VLDLR: variants seen among roughly 807,000 people sequenced by gnomAD.
VLDLR encodes the protein very low density lipoprotein receptor, also known as very low-density lipoprotein receptor.
A neutral mutation model predicts 112.7 loss-of-function variants in VLDLR; 81 were observed. The ratio of observed to expected loss-of-function variants is 0.72; its 90% CI spans 0.60 to 0.86. The LOEUF is 0.86. Ranked by LOEUF, VLDLR falls within the 40% of genes least tolerant of loss-of-function variation. The probability of loss-of-function intolerance (pLI) is 0.00; values close to 1 mark genes in which losing one functional copy is unlikely to be tolerated. For synonymous variants in VLDLR, 436 were observed against 384.8 expected (o/e 1.13, Z -1.56); for missense variants, 1,237 against 1,099.4 (o/e 1.13, Z -1.77).
Position 2,646,530 on chromosome 9 carries a change from A to AGCT in VLDLR, c.1681_1682insGCT (p.Ile561delinsSerLeu). The AGCT allele has an allele frequency of 6.2e-7, 1 of 1,614,158 alleles. No homozygotes were observed. Among genetic ancestry groups the AGCT allele is most frequent in the Non-Finnish European group, 8.5e-7 (1 of 1,180,006 alleles). On this transcript the variant is annotated protein_altering_variant, in exon 11 of 19. Transcript: ENST00000382100. ...CTCTGACTTGCGAGAGCCTGCCTCCATAGCTGTGGACCCACTGTCTGGGTT... is the reference window on the plus strand; with the variant it reads ...CTCTGACTTGCGAGAGCCTGCCTCCAGCTTAGCTGTGGACCCACTGTCTGGGTT...
intron 3 of VLDLR, 74 bp downstream of exon 3, chr9:2,640,055 C>G: frequency 1.9e-6 from 3 of 1,611,782 alleles, no homozygotes; most frequent in African/African-American, 1.3e-5. Flanking sequence ...ATTGCTTAAT[C>G]TCCTACTTGG....
intron 1 of VLDLR, among the ~76,000 whole-genome samples, chr9:2,628,183 G>C (rs988469403): frequency 6.6e-6 from 1 of 152,184 alleles, no homozygotes. Context: ...GGGGATCTCT[G>C]TGTCTAAAGG....
intron 7 of VLDLR, among the ~76,000 whole-genome samples, chr9:2,644,316 G>A (rs550501829): frequency 2.7e-4 from 36 of 135,686 alleles, no homozygotes; most frequent in East Asian, 1.4e-3. Flanking sequence ...CCACCACCAC[G>A]CCCGGCTAAT....
Position 2,655,972 on chromosome 9 carries a change from G to A in VLDLR, c.*2104G>A, listed in dbSNP as rs553414022. On this transcript the variant is annotated 3_prime_UTR_variant, in exon 19 of 19. Coordinates refer to ENST00000382100, the MANE Select transcript of VLDLR (RefSeq NM_003383.5). The stretch of plus-strand genomic sequence containing the variant: ...ATGGATTTTTTTTTTTTTAACTGGA[G>A]TAATACCAAATTCCCTTTAGAAGCT... 8.6e-5 allele frequency: 13 copies of A among 151,728 alleles called. No individual in the cohort carries two copies. Among genetic ancestry groups the A allele is most frequent in the African/African-American group, 2.9e-4 (12 of 41,352 alleles). The allele number at this position is 151,728 out of a possible 1,614,324, so 9.4% of individuals were successfully genotyped here. A position where few individuals can be genotyped will look rare whatever the true frequency, so the allele number is the denominator to read the frequency against.
Position 2,643,816 on chromosome 9 carries a change from CTTCT to C in VLDLR, c.944-18_944-15del. The C allele has an allele frequency of 1.2e-6, 2 of 1,614,170 alleles. No individual in the cohort carries two copies. The highest frequency in any genetic ancestry group is 1.6e-4 in the Middle Eastern group (1 of 6,062). On this transcript the variant is annotated splice_polypyrimidine_tract_variant and intron_variant, in intron 6 of 18. Coordinates refer to ENST00000382100, the MANE Select transcript of VLDLR (RefSeq NM_003383.5). ...GACCAGACCCACTCATGGAATCTCT[CTTCT>C]TTGTTTCTCTTTGTAGTCAATCAGT...
intron 3 of VLDLR, 83 bp from the exon 4 acceptor site, chr9:2,641,294 A>G (rs1817809465): frequency 6.2e-7 from 1 of 1,603,938 alleles, no homozygotes; most frequent in Non-Finnish European, 8.5e-7. Flanking sequence ...AGTCACAGGT[A>G]TTAGCGCTTC....
rs919397620 is a variant in VLDLR, at chr9:2,621,791, C to A, written c.-399C>A. 3.9e-5 allele frequency: 19 copies of A among 485,574 alleles called. No individual in the cohort carries two copies. The highest frequency in any genetic ancestry group is 2.4e-4 in the Admixed American group (10 of 40,906). The allele number at this position is 485,574 out of a possible 1,614,324, so 30.1% of individuals were successfully genotyped here. A position where few individuals can be genotyped will look rare whatever the true frequency, so the allele number is the denominator to read the frequency against. ...CCGGCCCCCTCCCCGCTGCTCACCC[C>A]GCTCTCCGGCCGCCGCCGGTGCGGG... On this transcript the variant is annotated 5_prime_UTR_variant, in exon 1 of 19. Coordinates refer to ENST00000382100, the MANE Select transcript of VLDLR (RefSeq NM_003383.5).
In VLDLR at chr9:2,643,541, T is replaced by A; in HGVS notation, c.820+10T>A. ...GATGAGGTCAACTGTCGTAAGTAGC[T>A]TTCTAGCATGGCATGTTCAGTTCTC... is the stretch of plus-strand genomic sequence containing the variant. On this transcript the variant is annotated intron_variant, in intron 5 of 18. Coordinates refer to ENST00000382100, the MANE Select transcript of VLDLR (RefSeq NM_003383.5). The A allele has an allele frequency of 3.7e-6, 6 of 1,614,236 alleles. No individual in the cohort carries two copies. The highest frequency in any genetic ancestry group is 5.1e-6 in the Non-Finnish European group (6 of 1,180,038).
At chr9:2,624,203 A>G (rs1245575877) in intron 1 of VLDLR, among the ~76,000 whole-genome samples, 1 of 152,212 alleles carries the variant, frequency 6.6e-6, no homozygotes, top group African/African-American at 2.4e-5. Context: ...ACATGCCATG[A>G]ACAATGGAAA....
At chr9:2,646,265 C>T in intron 10 of VLDLR, 69 bp from the exon 11 acceptor site, 3 of 1,512,070 alleles carry the variant, frequency 2.0e-6, no homozygotes, top group Non-Finnish European at 2.8e-6. Flanking sequence ...ATTTTGTAAG[C>T]AAAAAGTCCA....
intron 2 of VLDLR, among the ~76,000 whole-genome samples, chr9:2,637,520 C>G (rs144973653): frequency 2.1e-3 from 320 of 152,282 alleles, no homozygotes; most frequent in African/African-American, 5.3e-3. Flanking sequence ...CTTTCTTTAC[C>G]CTCCCAGTCT....
chr9:2,646,444 C>G lies in VLDLR; in HGVS notation c.1595C>G (p.Ala532Gly), dbSNP rs377669923. ...TACAAGACCATCTACTGGACTGATG[C>G]GGCTTCTAAGACTATTTCAGTAGCT... Reference protein sequence around the residue: ...WVYKTIYWTDAASKTISVATL... With the variant: ...WVYKTIYWTDGASKTISVATL... Residue 532 changes from alanine to glycine, a missense_variant, in exon 11 of 19, where the codon GCG (alanine) becomes GGG (glycine). Transcript: ENST00000382100. 1 of 1,614,044 alleles carries G rather than the reference C, an allele frequency of 6.2e-7. No homozygotes were observed. Among genetic ancestry groups the G allele is most frequent in the Non-Finnish European group, 8.5e-7 (1 of 1,179,960 alleles).
At chr9:2,651,726 T>G (rs1818353598) in intron 16 of VLDLR, 148 bp from the exon 17 acceptor site, 1 of 940,238 alleles carries the variant, frequency 1.1e-6, no homozygotes, top group Non-Finnish European at 1.7e-6. Context: ...ACTCAAATAC[T>G]TCTAAGCCAG....
intron 12 of VLDLR, 115 bp downstream of exon 12, chr9:2,647,707 AGCAG>A: frequency 1.1e-6 from 1 of 951,974 alleles, no homozygotes; most frequent in Middle Eastern, 2.2e-4. Flanking sequence ...CCTAAATTCT[AGCAG>A]GAATTTTCAA....
At chr9:2,622,831 C>G (rs894036319) in intron 1 of VLDLR, among the ~76,000 whole-genome samples, 3 of 152,024 alleles carry the variant, frequency 2.0e-5, no homozygotes, top group Admixed American at 6.5e-5. Flanking sequence ...CGGGAGGCTC[C>G]GCGGAGCCGA....
At chr9:2,637,345 C>T (rs1196873270) in intron 2 of VLDLR, among the ~76,000 whole-genome samples, 1 of 152,170 alleles carries the variant, frequency 6.6e-6, no homozygotes, top group Non-Finnish European at 1.5e-5. Context: ...ACCTTAGATT[C>T]TATTAGCCAT....
intron 15 of VLDLR, 51 bp from the exon 16 acceptor site, chr9:2,651,364 A>G (rs1283941310): frequency 6.6e-7 from 1 of 1,513,402 alleles, no homozygotes; most frequent in Admixed American, 1.7e-5. Flanking sequence ...CAAAACAGCT[A>G]GCCATGCTGG....
Position 2,622,084 on chromosome 9 carries a change from C to A in VLDLR, c.-106C>A. 8.6e-7 allele frequency: 1 copy of A among 1,157,680 alleles called. No homozygotes were observed. The highest frequency in any genetic ancestry group is 1.2e-6 in the Non-Finnish European group (1 of 852,562). The allele number at this position is 1,157,680 out of a possible 1,614,324, so 71.7% of individuals were successfully genotyped here. Reference sequence around the variant, plus strand: ...TCCTTCCCCTCCTTCTCCCCCTTTCCCCTCCCCGCCCCCACCTTCTTCCTC... The same window carrying A: ...TCCTTCCCCTCCTTCTCCCCCTTTCACCTCCCCGCCCCCACCTTCTTCCTC... On this transcript the variant is annotated 5_prime_UTR_variant, in exon 1 of 19. Transcript: ENST00000382100.
intron 1 of VLDLR, among the ~76,000 whole-genome samples, chr9:2,625,384 A>C (rs913295385): frequency 3.3e-5 from 5 of 152,262 alleles, no homozygotes; most frequent in African/African-American, 1.2e-4. Context: ...AATTCATTTT[A>C]AATATCTAGC....
Sources: allele counts gnomAD v4.1 joint callset (sites outside exome capture counted in the v4.1 genomes callset), GRCh38; gene constraint gnomAD v4.1.1; transcripts MANE v1.5; gene names NCBI Gene and HGNC (gene_info 2026-07-23, HGNC 2026-07-21).